IGDCC3: variants seen among roughly 807,000 people sequenced by gnomAD.
IGDCC3 encodes immunoglobulin superfamily DCC subclass member 3.
Under a neutral mutation model 72.0 loss-of-function variants are expected in IGDCC3, and 47 were observed. The ratio of observed to expected loss-of-function variants is 0.65; its 90% CI spans 0.52 to 0.83. IGDCC3 has a LOEUF of 0.83. IGDCC3 is among the 40% of genes least tolerant of loss of function. IGDCC3 has a pLI of 0.00. For missense variants in IGDCC3, 1,038 were observed against 1,091.3 expected, an observed-to-expected ratio of 0.95 and a Z score of 0.69; for synonymous variants, 477 against 472.8, an observed-to-expected ratio of 1.01 and a Z score of -0.11.
intron 2 of IGDCC3, among the ~76,000 whole-genome samples, chr15:65,344,581 G>A (rs2091110493): frequency 6.6e-6 from 1 of 152,240 alleles, no homozygotes; most frequent in African/African-American, 2.4e-5. Flanking sequence ...TCAGCATCTA[G>A]CTGTTGGTCC....
Position 65,377,738 on chromosome 15 carries a change from C to A in IGDCC3, c.51G>T (p.Trp17Cys). The A allele has an allele frequency of 7.4e-7, 1 of 1,343,866 alleles. No individual in the cohort carries two copies. The allele number at this position is 1,343,866 out of a possible 1,614,324, so 83.2% of individuals were successfully genotyped here. A position where few individuals can be genotyped will look rare whatever the true frequency, so the allele number is the denominator to read the frequency against. ...ACAGCAGCGGCAGCAGGAGCCGGGG[C>A]CAGAGCGGGGCGGGCGGGCGGCGCG... ...ASPRRPPAPL[W>C]PRLLLPLLLL... Residue 17 changes from tryptophan (W) to cysteine (C), a missense_variant, in exon 1 of 14, where the codon TGG becomes TGT. Physicochemically the swap from Trp to Cys is radical, Grantham distance 215. Transcript: ENST00000327987. The surrounding 1 kb of genome is among the most constrained non-coding windows in gnomAD (Gnocchi z 4.9).
Position 65,332,016 on chromosome 15 carries a change from G to A in IGDCC3, c.1073C>T (p.Pro358Leu), listed in dbSNP as rs201324823. ...ATTTTTCAGCCACGTGACATGAGGC[G>A]GTGGCTCACCCTGGGCTTGGCAGGT... is the stretch of plus-strand genomic sequence containing the variant. ...MFTCQAQGEPPPHVTWLKNGQ... is the reference protein window; with the variant it reads ...MFTCQAQGEPLPHVTWLKNGQ... Residue 358 changes from proline (P) to leucine (L), a missense_variant, in exon 7 of 14, where the codon CCG becomes CTG. By Grantham distance (98) the Pro-to-Leu change is moderately conservative. Coordinates refer to ENST00000327987, the MANE Select transcript of IGDCC3 (RefSeq NM_004884.4). 4.2e-5 allele frequency: 68 copies of A among 1,614,052 alleles called. No individual in the cohort carries two copies. Among genetic ancestry groups the A allele is most frequent in the African/African-American group, 1.1e-4 (8 of 74,920 alleles).
At chr15:65,370,618 G>GTATATATATATATATATATA (rs779669712) in intron 2 of IGDCC3, among the ~76,000 whole-genome samples, 15 of 56,864 alleles carry the variant, frequency 2.6e-4, no homozygotes, top group South Asian at 6.2e-4. Context: ...ATATATGTAT[G>GTATATATATATATATATATA]TGTATATATA....
rs978022294 is a variant in IGDCC3, at chr15:65,344,418, G to C, written c.410-8462C>G. Among the ~76,000 whole-genome samples the C allele has an allele frequency of 6.6e-5, 10 of 152,098 alleles. No homozygotes were observed. In the South Asian group the frequency reaches 2.1e-3, roughly 32 times the overall value. On this transcript the variant is annotated intron_variant, in intron 2 of 13. Transcript: ENST00000327987. ...ACTACCACCAGCTCACCACTCCCCCGCACCCAATTCTGACACAAAAGGCAA... is the reference window on the plus strand; with the variant it reads ...ACTACCACCAGCTCACCACTCCCCCCCACCCAATTCTGACACAAAAGGCAA...
At position 65,331,608 on chromosome 15, in the gene IGDCC3, A is replaced by T; in HGVS notation, c.1200T>A (p.Cys400Ter). 1 of 1,613,350 alleles carries T rather than the reference A, an allele frequency of 6.2e-7. No individual in the cohort carries two copies. The highest frequency in any genetic ancestry group is 1.1e-5 in the South Asian group (1 of 90,956). The change falls in exon 8 of 14, where the codon TGT becomes TGA. Residue 400 changes from cysteine (C) to a stop codon, truncating the protein, a stop_gained. Coordinates refer to ENST00000327987, the MANE Select transcript of IGDCC3 (RefSeq NM_004884.4). LOFTEE classifies it high-confidence loss of function. ...IGPEDEAIYQ[C>*]VAENSAGSSQ... The stretch of plus-strand genomic sequence containing the variant: ...ATGAGCCCGCACTGTTCTCGGCCAC[A>T]CACTGATAAATGGCTTCATCCTCAG...
In IGDCC3 at chr15:65,362,795, GTCCTGTCGGGGTGAGAATACA is replaced by G. The variant is rs1162188257; in HGVS notation, c.409+12281_409+12301del. ...ACATGAGGTGTCAGACCCACCAACG[GTCCTGTCGGGGTGAGAATACA>G]TGGGGTTTTATTACCAGCGAGGTTT... is the stretch of plus-strand genomic sequence containing the variant. On this transcript the variant is annotated intron_variant, in intron 2 of 13. Transcript: ENST00000327987. Among the ~76,000 whole-genome samples the G allele has an allele frequency of 7.2e-5, 11 of 151,792 alleles. No individual in the cohort carries two copies. The East Asian group carries it at 1.7e-3, about 24-fold the overall frequency.
chr15:65,347,401 T>G (rs1464562229), intron 2 of IGDCC3, among the ~76,000 whole-genome samples: 4 of 152,168 alleles, frequency 2.6e-5, no homozygotes, highest in Non-Finnish European at 4.4e-5. Context: ...TGGGGCAGGA[T>G]AGACAAATAA....
At chr15:65,364,763 C>T (rs1212308060) in intron 2 of IGDCC3, among the ~76,000 whole-genome samples, 1 of 152,134 alleles carries the variant, frequency 6.6e-6, no homozygotes, top group East Asian at 1.9e-4. Context: ...TGCTTGTAGT[C>T]CCAGCTTTTT....
rs752210366 is a variant in IGDCC3 at position 65,331,518 on chromosome 15, C to T, written c.1290G>A (p.Val430=). ...AEGLPGPPRN[V]RAVSVSSTEV... ...CAGTGGAAGACACAGAGACTGCCCG[C>T]ACATTGCGGGGAGGCCCGGGGAGCC... Residue 430 remains valine (V), a synonymous_variant, in exon 8 of 14, where the codon GTG becomes GTA. Coordinates refer to ENST00000327987, the MANE Select transcript of IGDCC3 (RefSeq NM_004884.4). The T allele has an allele frequency of 3.7e-6, 6 of 1,613,762 alleles. No homozygotes were observed. In the South Asian group the frequency reaches 4.4e-5, roughly 12 times the overall value.
In IGDCC3 at chr15:65,331,923, C is replaced by A; in HGVS notation, c.1148+18G>T. 1 of 1,608,534 alleles carries A rather than the reference C, an allele frequency of 6.2e-7. No homozygotes were observed. Among genetic ancestry groups the A allele is most frequent in the Non-Finnish European group, 8.5e-7 (1 of 1,178,006 alleles). ...TGCTCTCCCCTGGTCCTCACCCCAG[C>A]ACACACCACACACATACCTGTTGTT... On this transcript the variant is annotated intron_variant, in intron 7 of 13. Transcript: ENST00000327987.
In IGDCC3 at chr15:65,328,931, T is replaced by C; in HGVS notation, c.2423A>G (p.Gln808Arg). The part of the protein sequence containing the change: ...ASRPAAARVT[Q>R]PAHSEQ ...TGGCTACTGTTCCGAGTGAGCTGGC[T>C]GGGTAACCCGGGCCGCTGCAGGCCT... Residue 808 changes from glutamine to arginine, a missense_variant, in exon 14 of 14, where the codon CAG (glutamine) becomes CGG (arginine). Transcript: ENST00000327987. 1.3e-6 allele frequency: 2 copies of C among 1,550,862 alleles called. No homozygotes were observed. The highest frequency in any genetic ancestry group is 1.7e-6 in the Non-Finnish European group (2 of 1,152,054).
At chr15:65,341,448 C>T (rs2091080578) in intron 2 of IGDCC3, among the ~76,000 whole-genome samples, 1 of 152,170 alleles carries the variant, frequency 6.6e-6, no homozygotes, top group Non-Finnish European at 1.5e-5. Flanking sequence ...GCATTATTCA[C>T]AATAGCTAAA....
chr15:65,334,537 C>T (rs2091008729), intron 5 of IGDCC3, 191 bp downstream of exon 5: 2 of 560,356 alleles, frequency 3.6e-6, no homozygotes. Flanking sequence ...ATGGGGTGGG[C>T]AGGCGGGCCT....
chr15:65,353,126 T>C (rs2091184532), intron 2 of IGDCC3, among the ~76,000 whole-genome samples: 1 of 152,204 alleles, frequency 6.6e-6, no homozygotes, highest in African/African-American at 2.4e-5. Context: ...CAACTTTACT[T>C]ATTTTGCTTT....
Position 65,330,734 on chromosome 15 carries a change from G to A in IGDCC3, c.1569C>T (p.Ala523=), listed in dbSNP as rs1396171925. The A allele has an allele frequency of 1.9e-6, 3 of 1,604,512 alleles. No homozygotes were observed. In the East Asian group the frequency reaches 6.7e-5, roughly 36 times the overall value. Residue 523 remains alanine (A), a synonymous_variant, in exon 10 of 14, where the codon GCC becomes GCT. Transcript: ENST00000327987. ...GGACTCGCACTGACAGTGGGGGTGG[G>A]GCAGGGGCTGCAGGTAGAGAAGGAG... The part of the protein sequence containing the change: ...TLASTLGEAP[A]PPPLSVRVLG...
chr15:65,334,488 G>T, intron 5 of IGDCC3: 1 of 493,972 alleles, frequency 2.0e-6, no homozygotes, highest in Non-Finnish European at 3.5e-6. Context: ...GACTGGACAA[G>T]GTAACCCAAG....
chr15:65,328,951 AGG>A lies in IGDCC3; in HGVS notation c.2401_2402del (p.Pro801CysfsTer55), dbSNP rs2090948507. On this transcript the variant is annotated frameshift_variant, in exon 14 of 14. Transcript: ENST00000327987. LOFTEE classifies it low-confidence loss of function (END_TRUNC). ...CTGGCTGGGTAACCCGGGCCGCTGCAGGCCTGGAAGCCTGGCCTTCACTGAGG... is the reference window on the plus strand; with the variant it reads ...CTGGCTGGGTAACCCGGGCCGCTGCACCTGGAAGCCTGGCCTTCACTGAGG... ...GLLSEGQASR[P>X]AAARVTQPAH... 1.3e-6 allele frequency: 2 copies of A among 1,576,342 alleles called. No homozygotes were observed. The highest frequency in any genetic ancestry group is 1.4e-5 in the African/African-American group (1 of 73,158).
Position 65,329,214 on chromosome 15 carries a change from C to A in IGDCC3, c.2206-66G>T, listed in dbSNP as rs1488279040. ...CAGGGCGCCAGGCTCCAACTCACCC[C>A]ACTTGGGCCTTAGGGTCTCCAGGTC... is the stretch of plus-strand genomic sequence containing the variant. On this transcript the variant is annotated intron_variant, in intron 13 of 13. Transcript: ENST00000327987. The surrounding 1 kb of genome is among the most constrained non-coding windows in gnomAD (Gnocchi z 4.1). The A allele has an allele frequency of 9.7e-6, 15 of 1,545,728 alleles. No homozygotes were observed. The highest frequency in any genetic ancestry group is 4.1e-5 in the Admixed American group (2 of 48,812).
intron 2 of IGDCC3, among the ~76,000 whole-genome samples, chr15:65,365,612 G>A (rs914395889): frequency 1.3e-5 from 2 of 152,038 alleles, no homozygotes; most frequent in African/African-American, 4.8e-5. Context: ...TGACTTGCTG[G>A]GGGGCTATGG....
Sources: allele counts gnomAD v4.1 joint callset (sites outside exome capture counted in the v4.1 genomes callset), GRCh38; gene constraint gnomAD v4.1.1; non-coding constraint Gnocchi (gnomAD v3.1); transcripts MANE v1.5; gene names NCBI Gene and HGNC (gene_info 2026-07-23, HGNC 2026-07-21).